The following PLD1 variants were observed in gnomAD, a reference collection of about 807,000 sequenced individuals.
PLD1 encodes phospholipase D1, also known as choline phosphatase 1.
PLD1 carries 112 observed loss-of-function variants against 137.1 expected under a neutral mutation model. That is an observed-to-expected ratio of 0.82 (90% CI 0.70 to 0.96). The LOEUF (loss-of-function observed/expected upper bound fraction) is 0.96. Ranked by LOEUF, PLD1 falls within the 40% of genes least tolerant of loss-of-function variation. The pLI is 0.00. For synonymous variants in PLD1, 431 were observed against 454.7 expected (o/e 0.95, Z 0.66); for missense variants, 1,321 against 1,342.0 (o/e 0.98, Z 0.24).
At chr3:171,792,448 C>T (rs3934620) in intron 1 of PLD1, 111,230 of 376,880 alleles carry the variant, frequency 0.3, 17,206 homozygotes, top group Admixed American at 0.38. Context: ...ATCAGGGGCC[C>T]CTGGCCATCC....
At chr3:171,713,314 A>T (rs1039036717) in intron 9 of PLD1, among the ~76,000 whole-genome samples, 9 of 152,100 alleles carry the variant, frequency 5.9e-5, no homozygotes, top group Non-Finnish European at 1.0e-4. Context: ...TACAAACTTT[A>T]GTCGGGGGTG....
chr3:171,641,333 T>A (rs1311599797), intron 23 of PLD1, among the ~76,000 whole-genome samples: 1 of 152,236 alleles, frequency 6.6e-6, no homozygotes, highest in African/African-American at 2.4e-5. Flanking sequence ...GTGACAACTT[T>A]TGTCAGTATT....
Position 171,688,850 on chromosome 3 carries a change from T to C in PLD1, c.1365A>G (p.Ser455=), listed in dbSNP as rs139677913. ...GGTGAGCCCACAAATAGACGGTGGATGACACATGATCCGGGTGTCTCATCA... is the reference window on the plus strand; with the variant it reads ...GGTGAGCCCACAAATAGACGGTGGACGACACATGATCCGGGTGTCTCATCA... ...IKVMRHPDHV[S]STVYLWAHHE... Residue 455 remains serine, a synonymous_variant, in exon 14 of 27, where the codon TCA becomes TCG. Transcript: ENST00000351298. 7.7e-4 allele frequency: 1,248 copies of C among 1,613,988 alleles called. 6 individuals carry two copies. In the African/African-American group the frequency reaches 0.015, roughly 19 times the overall value.
At chr3:171,751,729 G>A (rs1251089895) in intron 1 of PLD1, among the ~76,000 whole-genome samples, 2 of 152,156 alleles carry the variant, frequency 1.3e-5, no homozygotes, top group African/African-American at 4.8e-5. Flanking sequence ...GGCCAAGCGC[G>A]GTGGCTCACG....
At chr3:171,779,972 C>T (rs1343714910) in intron 1 of PLD1, among the ~76,000 whole-genome samples, 1 of 151,318 alleles carries the variant, frequency 6.6e-6, no homozygotes, top group Non-Finnish European at 1.5e-5. Flanking sequence ...ATATGTAAGT[C>T]TGAGATTCAG....
At chr3:171,694,430 C>G (rs568444007) in intron 12 of PLD1, among the ~76,000 whole-genome samples, 3 of 151,948 alleles carry the variant, frequency 2.0e-5, no homozygotes, top group Non-Finnish European at 4.4e-5. Flanking sequence ...CCAGAGAGTG[C>G]TCTGTAATTA....
rs1731786325 is a variant in PLD1 at position 171,600,812 on chromosome 3, A to G, written c.*2266T>C. On this transcript the variant is annotated 3_prime_UTR_variant, in exon 27 of 27. Coordinates refer to ENST00000351298, the MANE Select transcript of PLD1 (RefSeq NM_002662.5). ...ATAGAAAGCAGTAGTAAGACTTCTT[A>G]TATGAGACTAAGATTTTCATTTCAT... 6.6e-6 allele frequency: 1 copy of G among 152,254 alleles called. No homozygotes were observed. Among genetic ancestry groups the G allele is most frequent in the Admixed American group, 6.5e-5 (1 of 15,286 alleles). The allele number at this position is 152,254 out of a possible 1,614,324, so 9.4% of individuals were successfully genotyped here. A position where few individuals can be genotyped will look rare whatever the true frequency, so the allele number is the denominator to read the frequency against.
intron 21 of PLD1, among the ~76,000 whole-genome samples, chr3:171,648,041 C>A (rs541157626): frequency 3.9e-5 from 6 of 152,098 alleles, no homozygotes; most frequent in Admixed American, 2.0e-4. Context: ...TTGTAGCATG[C>A]GTCAGAATTC....
chr3:171,724,501 C>G (rs73879818), intron 8 of PLD1, among the ~76,000 whole-genome samples, 195 bp downstream of exon 8: 2 of 151,930 alleles, frequency 1.3e-5, no homozygotes, highest in African/African-American at 4.8e-5. Flanking sequence ...TGAATATAAT[C>G]TGTACACTTT....
At chr3:171,779,999 T>TAC (rs1263056504) in intron 1 of PLD1, among the ~76,000 whole-genome samples, 35 of 150,592 alleles carry the variant, frequency 2.3e-4, no homozygotes, top group African/African-American at 7.2e-4. Flanking sequence ...GGTTAGGATA[T>TAC]GTAAGTCTGA....
At chr3:171,767,551 T>C (rs562797434) in intron 1 of PLD1, among the ~76,000 whole-genome samples, 1 of 152,386 alleles carries the variant, frequency 6.6e-6, no homozygotes, top group South Asian at 2.1e-4. Context: ...TTTTTTCTTA[T>C]ATTTTTCTAA....
At chr3:171,644,764 A>G in intron 22 of PLD1, 146 bp downstream of exon 22, 1 of 613,838 alleles carries the variant, frequency 1.6e-6, no homozygotes, top group Non-Finnish European at 3.0e-6. Flanking sequence ...ATCAACTAGC[A>G]AACGGGCCAA....
chr3:171,677,391 A>C (rs2108482945), intron 17 of PLD1, among the ~76,000 whole-genome samples, 175 bp downstream of exon 17: 1 of 152,372 alleles, frequency 6.6e-6, no homozygotes, highest in East Asian at 1.9e-4. Context: ...ATAACTGAAA[A>C]AAAAGTCCTT....
Position 171,742,526 on chromosome 3 carries a change from G to A in PLD1, c.-31-4444C>T, listed in dbSNP as rs551118354. On this transcript the variant is annotated intron_variant, in intron 1 of 26. Coordinates refer to ENST00000351298, the MANE Select transcript of PLD1 (RefSeq NM_002662.5). ...TCTAGCTGCTATTGTACTTAACTGA[G>A]ATAAATAAATGCAATGGATTCCTAA... Among the ~76,000 whole-genome samples the A allele has an allele frequency of 2.9e-3, 440 of 151,992 alleles. 1 individual carries two copies. The highest frequency in any genetic ancestry group is 5.2e-3 in the Non-Finnish European group (355 of 68,002).
chr3:171,739,375 G>C (rs1019654546), intron 1 of PLD1, among the ~76,000 whole-genome samples: 1 of 152,144 alleles, frequency 6.6e-6, no homozygotes, highest in African/African-American at 2.4e-5. Flanking sequence ...AAATGGGAGC[G>C]AAGGAGGGAG....
intron 1 of PLD1, among the ~76,000 whole-genome samples, chr3:171,807,073 G>T (rs1345675770): frequency 2.0e-5 from 3 of 152,160 alleles, no homozygotes; most frequent in Non-Finnish European, 4.4e-5. Context: ...TTGGGAAGCC[G>T]AAGTAGGAGG....
At chr3:171,644,127 C>G (rs997057757) in intron 22 of PLD1, among the ~76,000 whole-genome samples, 1 of 152,104 alleles carries the variant, frequency 6.6e-6, no homozygotes, top group East Asian at 1.9e-4. Context: ...TTCGTCCTCT[C>G]CCACCTTTCA....
intron 8 of PLD1, 94 bp from the exon 9 acceptor site, chr3:171,714,139 G>C (rs376933545): frequency 6.8e-6 from 5 of 730,390 alleles, no homozygotes; most frequent in East Asian, 5.1e-5. Context: ...AATCACTCTG[G>C]CAGACTGTAG....
intron 1 of PLD1, among the ~76,000 whole-genome samples, chr3:171,770,195 A>T (rs917601779): frequency 1.3e-5 from 2 of 152,188 alleles, no homozygotes; most frequent in East Asian, 3.8e-4. Context: ...CCATTTTTAC[A>T]GCTGTTCTTT....
Sources: allele counts gnomAD v4.1 joint callset (sites outside exome capture counted in the v4.1 genomes callset), GRCh38; gene constraint gnomAD v4.1.1; transcripts MANE v1.5; gene names NCBI Gene and HGNC (gene_info 2026-07-23, HGNC 2026-07-21).